TANK: variants seen among roughly 807,000 people sequenced by gnomAD.
The protein encoded by TANK is TRAF family member associated NFKB activator.
A neutral mutation model predicts 43.6 loss-of-function variants in TANK; 15 were observed. The observed-to-expected ratio is 0.34, with a 90% CI of 0.23 to 0.53. The LOEUF (loss-of-function observed/expected upper bound fraction) is 0.53. Ranked by LOEUF, TANK falls within the 20% of genes least tolerant of loss-of-function variation. The probability of loss-of-function intolerance (pLI) is 0.94; values close to 1 mark genes in which losing one functional copy is unlikely to be tolerated. For missense variants in TANK, 417 were observed against 498.6 expected, an observed-to-expected ratio of 0.84 and a Z score of 1.56; for synonymous variants, 162 against 178.2, an observed-to-expected ratio of 0.91 and a Z score of 0.73.
At position 161,203,498 on chromosome 2, in the gene TANK, T is replaced by C. The variant is rs1214911678; in HGVS notation, c.111T>C (p.Tyr37=). Residue 37 remains tyrosine (Y), a synonymous_variant, in exon 3 of 8, where the codon TAT becomes TAC. Coordinates refer to ENST00000392749, the MANE Select transcript of TANK (RefSeq NM_001199135.3). ...TTTTATGTCAGCAGACTGAGAACTATGAGCAGAGAATACGTGAACAACAGG... is the reference window on the plus strand; with the variant it reads ...TTTTATGTCAGCAGACTGAGAACTACGAGCAGAGAATACGTGAACAACAGG... ...VKELQQKTEN[Y]EQRIREQQEQ... is the part of the protein sequence containing the mutation. 6.2e-7 allele frequency: 1 copy of C among 1,610,042 alleles called. No individual in the cohort carries two copies. The highest frequency in any genetic ancestry group is 8.5e-7 in the Non-Finnish European group (1 of 1,178,644).
chr2:161,159,971 G>C (rs751377895), upstream of TANK, among the ~76,000 whole-genome samples: 1 of 152,156 alleles, frequency 6.6e-6, no homozygotes, highest in Non-Finnish European at 1.5e-5. Context: ...AAATTTACGA[G>C]GATCTGTTGA....
At chr2:161,218,137 A>G (rs1453785275) in intron 4 of TANK, among the ~76,000 whole-genome samples, 1 of 152,158 alleles carries the variant, frequency 6.6e-6, no homozygotes, top group Non-Finnish European at 1.5e-5. Flanking sequence ...GTACATTTCT[A>G]TTTGTACGAT....
intron 4 of TANK, chr2:161,207,853 G>A: frequency 1.0e-6 from 1 of 985,182 alleles, no homozygotes. Flanking sequence ...GAACTGGAAG[G>A]CATTATAGAG....
At chr2:161,160,744 G>T in intron 1 of TANK, 1 of 561,782 alleles carries the variant, frequency 1.8e-6, no homozygotes. Context: ...GTCGGCCTCT[G>T]CCCCAACGGC....
At chr2:161,156,445 GA>G, upstream of TANK, 2 of 856,368 alleles carry the variant, frequency 2.3e-6, no homozygotes, top group Non-Finnish European at 2.8e-6. Context: ...TTTTTGCATA[GA>G]AAATACAAAG....
intron 6 of TANK, among the ~76,000 whole-genome samples, chr2:161,228,672 T>C (rs1259885208): frequency 2.0e-5 from 3 of 152,210 alleles, no homozygotes; most frequent in African/African-American, 7.2e-5. Flanking sequence ...TGTACAGTAA[T>C]ATCCTAGGCC....
chr2:161,148,955 A>T (rs911865242), intron 1 of TANK, among the ~76,000 whole-genome samples: 1 of 152,128 alleles, frequency 6.6e-6, no homozygotes. Flanking sequence ...TTTCCTTTGC[A>T]ATATTCTTCT....
At chr2:161,153,556 T>C (rs1465502373) in intron 1 of TANK, among the ~76,000 whole-genome samples, 1 of 151,638 alleles carries the variant, frequency 6.6e-6, no homozygotes, top group Non-Finnish European at 1.5e-5. Context: ...GGCATGATGG[T>C]GCACGTCTGT....
intron 4 of TANK, among the ~76,000 whole-genome samples, chr2:161,214,988 A>G (rs1687055405): frequency 6.6e-6 from 1 of 152,202 alleles, no homozygotes; most frequent in Non-Finnish European, 1.5e-5. Flanking sequence ...TCTTTGTCCA[A>G]GAGGGAGACA....
intron 2 of TANK, among the ~76,000 whole-genome samples, chr2:161,192,582 C>T (rs540419446): frequency 2.0e-5 from 3 of 152,144 alleles, no homozygotes; most frequent in African/African-American, 7.2e-5. Flanking sequence ...TTTAGCTTAT[C>T]CTCTGGTACA....
intron 1 of TANK, among the ~76,000 whole-genome samples, chr2:161,164,964 A>T (rs1337259042): frequency 5.9e-5 from 9 of 151,956 alleles, no homozygotes; most frequent in African/African-American, 2.2e-4. Flanking sequence ...ATAAATGGTA[A>T]TTATCAGTAG....
intron 1 of TANK, among the ~76,000 whole-genome samples, chr2:161,145,133 CTTTTTTT>C (rs144526006): frequency 1.5e-4 from 5 of 32,828 alleles, no homozygotes; most frequent in African/African-American, 4.0e-4. Flanking sequence ...GCAACCCCTG[CTTTTTTT>C]TTTTTTTTTT....
chr2:161,220,521 T>C (rs1275989934), intron 4 of TANK, among the ~76,000 whole-genome samples: 4 of 152,076 alleles, frequency 2.6e-5, no homozygotes, highest in East Asian at 1.9e-4. Context: ...GAGAATTGCT[T>C]GAACCCAGGA....
At chr2:161,151,819 G>T (rs1255373657) in intron 1 of TANK, among the ~76,000 whole-genome samples, 5 of 151,976 alleles carry the variant, frequency 3.3e-5, no homozygotes, top group Admixed American at 3.3e-4. Flanking sequence ...TTTGCTATTT[G>T]ATTTCTGTAT....
chr2:161,139,690 C>T (rs1312626871), intron 1 of TANK: 2 of 985,252 alleles, frequency 2.0e-6, no homozygotes, highest in Non-Finnish European at 2.4e-6. Context: ...TGCTTAGACA[C>T]CTCTTCTCTA....
At chr2:161,231,590 A>T in intron 7 of TANK, 39 bp downstream of exon 7, 1 of 1,560,300 alleles carries the variant, frequency 6.4e-7, no homozygotes, top group Admixed American at 1.7e-5. Context: ...ATTATGTGTG[A>T]ACACACATTT....
At chr2:161,146,808 T>C (rs1208577360) in intron 1 of TANK, among the ~76,000 whole-genome samples, 1 of 152,114 alleles carries the variant, frequency 6.6e-6, no homozygotes, top group Non-Finnish European at 1.5e-5. Context: ...TTGGGTGGCA[T>C]GGGGAGCAAG....
chr2:161,147,294 C>T (rs927219966), intron 1 of TANK, among the ~76,000 whole-genome samples: 3 of 152,182 alleles, frequency 2.0e-5, no homozygotes, highest in African/African-American at 7.2e-5. Context: ...CATCTCTCCC[C>T]CCAAGGAGCT....
At chr2:161,221,084 G>C (rs542408213) in intron 4 of TANK, among the ~76,000 whole-genome samples, 3 of 152,154 alleles carry the variant, frequency 2.0e-5, no homozygotes, top group Non-Finnish European at 4.4e-5. Context: ...AACTGTTTCA[G>C]ATGTGTTTAT....
Sources: allele counts gnomAD v4.1 joint callset (sites outside exome capture counted in the v4.1 genomes callset), GRCh38; gene constraint gnomAD v4.1.1; transcripts MANE v1.5; gene names NCBI Gene and HGNC (gene_info 2026-07-23, HGNC 2026-07-21).